CSTPP1: variants seen among roughly 807,000 people sequenced by gnomAD.
CSTPP1 encodes centriolar satellite-associated tubulin polyglutamylase complex regulator 1.
chr11:47,108,599 AGAGCTTG>A, the CSTPP1 span, among the ~76,000 whole-genome samples: 1 of 152,120 alleles, frequency 6.6e-6, no homozygotes, highest in East Asian at 1.9e-4. Flanking sequence ...CTGTGTGAGA[AGAGCTTG>A]GAGGAGAGAA....
chr11:47,142,413 TTCA>T, the CSTPP1 span, among the ~76,000 whole-genome samples: 1 of 152,114 alleles, frequency 6.6e-6, no homozygotes, highest in South Asian at 2.1e-4. Flanking sequence ...GTATCAGTAC[TTCA>T]TTTCGCCAAA....
At chr11:47,157,729 G>T in the CSTPP1 span, 2 of 1,359,528 alleles carry the variant, frequency 1.5e-6, no homozygotes, top group South Asian at 2.5e-5. Context: ...CTTGGCTGTG[G>T]GTATCCTCAT....
chr11:47,032,767 A>C, the CSTPP1 span, among the ~76,000 whole-genome samples: 1 of 152,170 alleles, frequency 6.6e-6, no homozygotes, highest in South Asian at 2.1e-4. Context: ...AGCATAAGGA[A>C]GAAGAGGAAA....
At chr11:47,057,652 CTG>C in the CSTPP1 span, among the ~76,000 whole-genome samples, 1 of 152,042 alleles carries the variant, frequency 6.6e-6, no homozygotes, top group Non-Finnish European at 1.5e-5. Context: ...GAGGCAGAGA[CTG>C]GGGTTTAGGG....
At chr11:47,112,310 CTTAT>C in the CSTPP1 span, among the ~76,000 whole-genome samples, 1 of 134,276 alleles carries the variant, frequency 7.4e-6, no homozygotes, top group East Asian at 3.0e-4. Context: ...TTCTATATAG[CTTAT>C]TTGTTTGTTT....
the CSTPP1 span, among the ~76,000 whole-genome samples, chr11:47,075,554 G>A: frequency 1.3e-5 from 2 of 152,038 alleles, no homozygotes; most frequent in African/African-American, 4.8e-5. Flanking sequence ...ATAACTACTT[G>A]CAAAAGGAAA....
At chr11:47,064,178 C>T in the CSTPP1 span, among the ~76,000 whole-genome samples, 13 of 152,028 alleles carry the variant, frequency 8.6e-5, no homozygotes, top group South Asian at 6.2e-4. Flanking sequence ...GCTGTTTTGT[C>T]GTTGAGTTGT....
chr11:47,075,926 CAAAAAAAAAAAAAAAA>C, the CSTPP1 span, among the ~76,000 whole-genome samples: 1 of 35,804 alleles, frequency 2.8e-5, no homozygotes, highest in African/African-American at 8.5e-5. Context: ...GATTCATTCT[CAAAAAAAAAAAAAAAA>C]AAAAAAAAAA....
the CSTPP1 span, among the ~76,000 whole-genome samples, chr11:47,098,584 C>A: frequency 6.6e-6 from 1 of 151,126 alleles, no homozygotes; most frequent in East Asian, 2.0e-4. Context: ...CGGCACACTG[C>A]AGCCTCTGCC....
chr11:47,085,218 CAGTA>C, the CSTPP1 span, among the ~76,000 whole-genome samples: 2 of 151,976 alleles, frequency 1.3e-5, no homozygotes, highest in African/African-American at 4.8e-5. Context: ...AACAAACAAA[CAGTA>C]AGACCCGAAA....
the CSTPP1 span, among the ~76,000 whole-genome samples, chr11:46,966,994 C>A: frequency 1.3e-5 from 2 of 151,870 alleles, no homozygotes; most frequent in Non-Finnish European, 2.9e-5. Flanking sequence ...CTCGGGGTGA[C>A]CTTATATGGC....
the CSTPP1 span, among the ~76,000 whole-genome samples, chr11:47,075,008 A>G: frequency 2.0e-5 from 3 of 152,238 alleles, no homozygotes; most frequent in African/African-American, 7.2e-5. Flanking sequence ...ACATGTAAAT[A>G]GTTATAGACC....
the CSTPP1 span, among the ~76,000 whole-genome samples, chr11:47,159,169 A>C: frequency 1.3e-5 from 2 of 152,170 alleles, no homozygotes; most frequent in East Asian, 3.8e-4. Context: ...GGAGCCCTCA[A>C]CTGAAGTTGG....
chr11:47,162,348 C>T, the CSTPP1 span: 1 of 717,062 alleles, frequency 1.4e-6, no homozygotes, highest in Non-Finnish European at 1.7e-6. Flanking sequence ...CAGTGGCCCA[C>T]TCAGACCTGG....
the CSTPP1 span, among the ~76,000 whole-genome samples, chr11:47,131,530 C>G: frequency 6.6e-6 from 1 of 152,204 alleles, no homozygotes; most frequent in East Asian, 1.9e-4. Context: ...ATCTAACACT[C>G]TCTAGGATTA....
At chr11:47,152,221 C>G in the CSTPP1 span, among the ~76,000 whole-genome samples, 6 of 151,680 alleles carry the variant, frequency 4.0e-5, no homozygotes, top group Admixed American at 2.0e-4. Flanking sequence ...TGCACTCCAG[C>G]CTGGGCAACA....
the CSTPP1 span, among the ~76,000 whole-genome samples, chr11:47,154,704 C>G: frequency 6.6e-6 from 1 of 152,152 alleles, no homozygotes; most frequent in South Asian, 2.1e-4. Context: ...ATCTCAGTAC[C>G]ACTTGCCAAG....
chr11:47,099,862 C>T, the CSTPP1 span, among the ~76,000 whole-genome samples: 2 of 152,172 alleles, frequency 1.3e-5, no homozygotes, highest in Non-Finnish European at 2.9e-5. Context: ...TATTGGAACA[C>T]AGTGATACTC....
chr11:47,117,056 A>G, the CSTPP1 span, among the ~76,000 whole-genome samples: 6 of 152,170 alleles, frequency 3.9e-5, no homozygotes, highest in African/African-American at 1.4e-4. Flanking sequence ...TCTCCTGAAT[A>G]CAGTACACTG....
Sources: allele counts gnomAD v4.1 joint callset (sites outside exome capture counted in the v4.1 genomes callset), GRCh38; gene constraint gnomAD v4.1.1; transcripts MANE v1.5; gene names NCBI Gene and HGNC (gene_info 2026-07-23, HGNC 2026-07-21).